The following EFCAB8 variants were observed in gnomAD, a reference collection of about 807,000 sequenced individuals.
The protein encoded by EFCAB8 is EF-hand calcium binding domain 8.
Under a neutral mutation model 116.3 loss-of-function variants are expected in EFCAB8, and 100 were observed. The ratio of observed to expected loss-of-function variants is 0.86; its 90% confidence interval spans 0.73 to 1.02. The LOEUF (loss-of-function observed/expected upper bound fraction) is 1.02, where lower values mean the gene tolerates loss of function less well. Among genes scored for constraint, EFCAB8 ranks in the 50% least tolerant of loss-of-function variants. The probability of loss-of-function intolerance (pLI) is 0.00; values close to 1 mark genes in which losing one functional copy is unlikely to be tolerated. For synonymous variants in EFCAB8, 558 were observed against 567.9 expected (o/e 0.98, Z 0.25); for missense variants, 1,320 against 1,416.9 (o/e 0.93, Z 1.10).
chr20:32,937,882 G>T lies in EFCAB8; in HGVS notation c.2791-5754G>T, dbSNP rs538309287. Among the ~76,000 whole-genome samples the T allele has an allele frequency of 1.4e-3, 211 of 149,994 alleles. 9 individuals carry two copies. The highest frequency in any genetic ancestry group is 2.6e-3 in the Non-Finnish European group (175 of 67,424). ...TCCGCCCACCATGGCCTCCCAAAGT[G>T]CTGGGATTACAGGCGTGAGCCACCA... On this transcript the variant is annotated intron_variant, in intron 22 of 26. Transcript: ENST00000400522.
At chr20:32,862,116 GTTT>G (rs1322475332) in intron 1 of EFCAB8, among the ~76,000 whole-genome samples, 1 of 149,736 alleles carries the variant, frequency 6.7e-6, no homozygotes, top group Non-Finnish European at 1.5e-5. Flanking sequence ...CCAGATACTT[GTTT>G]TTATTATTTC....
intron 1 of EFCAB8, among the ~76,000 whole-genome samples, chr20:32,862,498 C>G (rs534529750): frequency 2.0e-5 from 3 of 152,182 alleles, no homozygotes; most frequent in Non-Finnish European, 4.4e-5. Context: ...TTCTTGGCTT[C>G]CAAATCTCCT....
In EFCAB8 at chr20:32,931,310, C is replaced by T. The variant is rs1324135678; in HGVS notation, c.2764C>T (p.His922Tyr). 1.4e-5 allele frequency: 21 copies of T among 1,549,420 alleles called. No homozygotes were observed. The highest frequency in any genetic ancestry group is 1.1e-4 in the South Asian group (9 of 83,584). Residue 922 changes from histidine to tyrosine, a missense_variant, in exon 22 of 27, where the codon CAC becomes TAC. Coordinates refer to ENST00000400522, the MANE Select transcript of EFCAB8 (RefSeq NM_001143967.2). Reference sequence around the variant, plus strand: ...TCAGCAACTTGGGACCAACTTCCCACACTACATTCCCTTGGAGGATAAAGA... The same window carrying T: ...TCAGCAACTTGGGACCAACTTCCCATACTACATTCCCTTGGAGGATAAAGA... ...IPQQLGTNFP[H>Y]YIPLEDKEVV...
chr20:32,941,989 A>T lies in EFCAB8; in HGVS notation c.2791-1647A>T, dbSNP rs113752307. ...TAGTAATTTGTCCCAAGGAAAGAGT[A>T]TGTAAAAGAACATAAGTCACTTTAA... On this transcript the variant is annotated intron_variant, in intron 22 of 26. Coordinates refer to ENST00000400522, the MANE Select transcript of EFCAB8 (RefSeq NM_001143967.2). 3.9e-3 allele frequency among the ~76,000 whole-genome samples: 595 copies of T among 152,336 alleles called. 4 individuals carry two copies. Among genetic ancestry groups the T allele is most frequent in the African/African-American group, 0.013 (556 of 41,584 alleles).
intron 4 of EFCAB8, among the ~76,000 whole-genome samples, chr20:32,877,260 G>A (rs181138515): frequency 6.0e-4 from 84 of 139,410 alleles, no homozygotes; most frequent in Non-Finnish European, 1.1e-3. Flanking sequence ...CCAGGCTGGA[G>A]TGCAATGGCA....
At chr20:32,914,553 G>A (rs6058955) in intron 17 of EFCAB8, among the ~76,000 whole-genome samples, 1 of 152,068 alleles carries the variant, frequency 6.6e-6, no homozygotes, top group Non-Finnish European at 1.5e-5. Context: ...ACTCACAGTT[G>A]TGCATGGCTA....
At chr20:32,906,538 G>T (rs765854599) in intron 11 of EFCAB8, 24 bp from the exon 12 acceptor site, 14 of 718,256 alleles carry the variant, frequency 1.9e-5, no homozygotes, top group Non-Finnish European at 3.4e-5. Flanking sequence ...CGGCCCTGCA[G>T]CCCTCACTCC....
At chr20:32,895,788 C>A (rs1986130752) in intron 9 of EFCAB8, among the ~76,000 whole-genome samples, 1 of 152,004 alleles carries the variant, frequency 6.6e-6, no homozygotes, top group Non-Finnish European at 1.5e-5. Flanking sequence ...CCAGGCTGGT[C>A]TTGAACTCCT....
Position 32,931,238 on chromosome 20 carries a change from G to A in EFCAB8, c.2692G>A (p.Ala898Thr). The A allele has an allele frequency of 6.4e-7, 1 of 1,551,330 alleles. No individual in the cohort carries two copies. The highest frequency in any genetic ancestry group is 8.7e-7 in the Non-Finnish European group (1 of 1,146,848). Residue 898 changes from alanine (A) to threonine (T), a missense_variant, in exon 22 of 27, where the codon GCC (alanine) becomes ACC (threonine). Transcript: ENST00000400522. Reference sequence around the variant, plus strand: ...TAAACAGCCATTCCAATCCAGTGGGGCCAAGGTTGTCTCTGAAGCACACAA... The same window carrying A: ...TAAACAGCCATTCCAATCCAGTGGGACCAAGGTTGTCTCTGAAGCACACAA... Reference protein sequence around the residue: ...IDKQPFQSSGAKVVSEAHNKF... With the variant: ...IDKQPFQSSGTKVVSEAHNKF...
At position 32,959,920 on chromosome 20, in the gene EFCAB8, G is replaced by T; in HGVS notation, c.3232G>T (p.Gly1078Ter). 1.3e-6 allele frequency: 2 copies of T among 1,551,692 alleles called. No homozygotes were observed. Among genetic ancestry groups the T allele is most frequent in the Non-Finnish European group, 1.7e-6 (2 of 1,146,984 alleles). The change falls in exon 25 of 27, where the codon GGA becomes TGA. Residue 1078 changes from glycine to a stop codon, truncating the protein, a stop_gained. Transcript: ENST00000400522. LOFTEE classifies it high-confidence loss of function. ...QKMALMSPWA[G>*]ERPLEDIEDS... is the part of the protein sequence containing the mutation. ...GATGGCCCTGATGTCCCCGTGGGCC[G>T]GAGAGCGCCCCCTGGAAGACATTGA...
At chr20:32,922,657 G>A (rs940133274) in intron 20 of EFCAB8, among the ~76,000 whole-genome samples, 1 of 152,190 alleles carries the variant, frequency 6.6e-6, no homozygotes, top group African/African-American at 2.4e-5. Flanking sequence ...AGGCTGGTCA[G>A]GGAGGGCTTC....
chr20:32,911,533 C>A lies in EFCAB8; in HGVS notation c.1611C>A (p.Gly537=). The A allele has an allele frequency of 6.6e-7, 1 of 1,521,332 alleles. No individual in the cohort carries two copies. The allele number at this position is 1,521,332 out of a possible 1,614,324, so 94.2% of individuals were successfully genotyped here. The change falls in exon 16 of 27, where the codon GGC becomes GGA. Residue 537 remains glycine (G), a synonymous_variant. Coordinates refer to ENST00000400522, the MANE Select transcript of EFCAB8 (RefSeq NM_001143967.2). ...TGAGTGTGTGGGAGGTCGTGACGGGCAGGAAGACGATGGAGTTTGCTGTGT... is the reference window on the plus strand; with the variant it reads ...TGAGTGTGTGGGAGGTCGTGACGGGAAGGAAGACGATGGAGTTTGCTGTGT... ...GTVSVWEVVT[G]RKTMEFAVSG... is the part of the protein sequence containing the mutation.
At chr20:32,874,425 TGTTTCCCA>T (rs1356109311) in intron 3 of EFCAB8, among the ~76,000 whole-genome samples, 1 of 152,206 alleles carries the variant, frequency 6.6e-6, no homozygotes, top group Admixed American at 6.5e-5. Flanking sequence ...GGTCTCCTTA[TGTTTCCCA>T]GCCTGGTCTT....
At chr20:32,874,826 A>G (rs964376197) in intron 3 of EFCAB8, among the ~76,000 whole-genome samples, 2 of 151,318 alleles carry the variant, frequency 1.3e-5, no homozygotes, top group African/African-American at 2.4e-5. Flanking sequence ...GGCTCACTGC[A>G]ACCTCTGCCT....
chr20:32,889,682 T>G (rs1985814877), intron 7 of EFCAB8, among the ~76,000 whole-genome samples: 1 of 152,104 alleles, frequency 6.6e-6, no homozygotes, highest in Non-Finnish European at 1.5e-5. Flanking sequence ...CCACTCCTAG[T>G]CCAGGCCCCC....
Position 32,893,377 on chromosome 20 carries a change from G to GC in EFCAB8, c.883+85dup. 5.9e-6 allele frequency: 9 copies of GC among 1,525,486 alleles called. 1 individual carries two copies. Among genetic ancestry groups the GC allele is most frequent in the Non-Finnish European group, 7.1e-6 (8 of 1,131,754 alleles). The allele number at this position is 1,525,486 out of a possible 1,614,324, so 94.5% of individuals were successfully genotyped here. ...GTGCTGAGGTCATCCTGGTCCCCGAGCCCCCCACTCCCTGCCTCTGCTCTG... is the reference window on the plus strand; with the variant it reads ...GTGCTGAGGTCATCCTGGTCCCCGAGCCCCCCCACTCCCTGCCTCTGCTCTG... On this transcript the variant is annotated intron_variant, in intron 9 of 26. Transcript: ENST00000400522.
intron 17 of EFCAB8, 32 bp from the exon 18 acceptor site, chr20:32,917,269 C>G (rs2146256212): frequency 6.6e-7 from 1 of 1,512,992 alleles, no homozygotes; most frequent in Non-Finnish European, 9.0e-7. Context: ...AGGCTGAGCT[C>G]TCAGCCCTCC....
intron 20 of EFCAB8, among the ~76,000 whole-genome samples, chr20:32,923,098 C>A (rs1055325040): frequency 6.6e-6 from 1 of 152,152 alleles, no homozygotes; most frequent in African/African-American, 2.4e-5. Context: ...TTGGGAGAAT[C>A]ACTTGAGTCT....
intron 19 of EFCAB8, among the ~76,000 whole-genome samples, chr20:32,919,128 A>G (rs1987335133): frequency 6.6e-6 from 1 of 152,108 alleles, no homozygotes; most frequent in African/African-American, 2.4e-5. Flanking sequence ...CTGTTTCCCT[A>G]CTTGCAGGGG....
Sources: gnomAD v4.1 joint callset for allele counts (sites outside exome capture counted in the v4.1 genomes callset) on GRCh38, gnomAD v4.1.1 for gene constraint, MANE v1.5 for transcripts, NCBI Gene and HGNC (gene_info 2026-07-23, HGNC 2026-07-21) for gene names.